The following NOC3L variants were observed in gnomAD, a reference collection of about 807,000 sequenced individuals.
NOC3L encodes the protein NOC3 like DNA replication regulator, also known as nucleolar complex protein 3 homolog.
A neutral mutation model predicts 102.5 loss-of-function variants in NOC3L; 85 were observed. The observed-to-expected ratio is 0.83, with a 90% confidence interval of 0.70 to 0.99. NOC3L has a LOEUF of 0.99. Among genes scored for constraint, NOC3L ranks in the 50% least tolerant of loss-of-function variants. NOC3L has a pLI of 0.00. For synonymous variants in NOC3L, 303 were observed against 309.4 expected (o/e 0.98, Z 0.22); for missense variants, 878 against 914.9 (o/e 0.96, Z 0.52).
chr10:94,340,980 CAAA>C (rs71485908), intron 14 of NOC3L, among the ~76,000 whole-genome samples: 5 of 67,828 alleles, frequency 7.4e-5, no homozygotes, highest in Admixed American at 1.6e-4. Flanking sequence ...GACTCCCTCT[CAAA>C]AAAAAAAAAA....
chr10:94,349,721 GA>G (rs11383344), intron 9 of NOC3L, among the ~76,000 whole-genome samples: 3 of 151,902 alleles, frequency 2.0e-5, no homozygotes, highest in Non-Finnish European at 2.9e-5. Context: ...TTTGTAGGGG[GA>G]AAAAAATCAC....
intron 8 of NOC3L, among the ~76,000 whole-genome samples, chr10:94,350,991 T>C (rs947038649): frequency 6.6e-6 from 1 of 151,798 alleles, no homozygotes; most frequent in Non-Finnish European, 1.5e-5. Context: ...TGAATATATA[T>C]AATATACTAT....
At chr10:94,334,768 T>G in intron 19 of NOC3L, 50 bp from the exon 20 acceptor site, 1 of 1,229,816 alleles carries the variant, frequency 8.1e-7, no homozygotes, top group Non-Finnish European at 1.2e-6. Context: ...TCTGTGTAAC[T>G]CAAAAATAAT....
chr10:94,348,049 T>A (rs2054366509), intron 10 of NOC3L, among the ~76,000 whole-genome samples: 1 of 151,216 alleles, frequency 6.6e-6, no homozygotes, highest in African/African-American at 2.4e-5. Context: ...ACACAATAAT[T>A]AAGCAGCATT....
chr10:94,321,560 G>A, the NOC3L span, among the ~76,000 whole-genome samples: 1 of 151,722 alleles, frequency 6.6e-6, no homozygotes. Context: ...CCCAGGAGGT[G>A]GAGGCTGCAG....
At chr10:94,328,008 G>A in the NOC3L span, 3 of 531,170 alleles carry the variant, frequency 5.6e-6, no homozygotes, top group Admixed American at 3.9e-5. Flanking sequence ...TGAACATGGT[G>A]GAAAAAATAT....
chr10:94,358,310 C>T (rs536176702), intron 2 of NOC3L, 95 bp from the exon 3 acceptor site: 11 of 735,100 alleles, frequency 1.5e-5, no homozygotes, highest in South Asian at 5.0e-5. Flanking sequence ...GAAAAGCTTA[C>T]GCTTTCTGAA....
the NOC3L span, among the ~76,000 whole-genome samples, chr10:94,327,114 A>G: frequency 6.6e-6 from 1 of 151,788 alleles, no homozygotes; most frequent in African/African-American, 2.4e-5. Flanking sequence ...GTGAGCCGAG[A>G]TTGCGCCACT....
the NOC3L span, chr10:94,328,208 A>C: frequency 6.4e-6 from 2 of 312,870 alleles, no homozygotes; most frequent in Non-Finnish European, 1.3e-5. Flanking sequence ...TCACGAATTG[A>C]CTTAGAGCAA....
At chr10:94,360,017 A>C (rs1235884066) in intron 2 of NOC3L, among the ~76,000 whole-genome samples, 2 of 152,292 alleles carry the variant, frequency 1.3e-5, no homozygotes, top group East Asian at 3.9e-4. Flanking sequence ...AAACAGATGA[A>C]TGGATAAAGA....
At chr10:94,315,590 G>C in the NOC3L span, 1 of 439,476 alleles carries the variant, frequency 2.3e-6, no homozygotes, top group East Asian at 7.0e-5. Context: ...CCAACATGGT[G>C]AAACCCTGTC....
At chr10:94,332,847 G>T (rs2054176029), downstream of NOC3L, 1 of 152,138 alleles carries the variant, frequency 6.6e-6, no homozygotes, top group African/African-American at 2.4e-5. Flanking sequence ...CTCTGATGGG[G>T]ATTAGACCCT....
chr10:94,337,797 G>C lies in NOC3L; in HGVS notation c.2169C>G (p.Leu723=), dbSNP rs144365022. The change falls in exon 19 of 21, where the codon CTC becomes CTG. Residue 723 remains leucine (L), a synonymous_variant. Coordinates refer to ENST00000371361, the MANE Select transcript of NOC3L (RefSeq NM_022451.11). ...AGAPSEGSGA[L]KPELSRRSAT... ...ATTACCTTCGACTCAACTCTGGTTT[G>C]AGTGCTCCAGAGCCTTCAGAAGGTG... 5.0e-6 allele frequency: 8 copies of C among 1,613,122 alleles called. No individual in the cohort carries two copies. The Admixed American group carries it at 1.3e-4, about 27-fold the overall frequency.
the NOC3L span, chr10:94,328,036 T>G: frequency 1.9e-6 from 1 of 519,482 alleles, no homozygotes; most frequent in Admixed American, 2.0e-5. Context: ...TTCATCAGAC[T>G]TAAACTGGAA....
At chr10:94,355,886 G>T (rs1029528714) in intron 5 of NOC3L, among the ~76,000 whole-genome samples, 1 of 151,990 alleles carries the variant, frequency 6.6e-6, no homozygotes, top group Admixed American at 6.6e-5. Flanking sequence ...GAAATTCATA[G>T]GGAACTAGAT....
Position 94,361,839 on chromosome 10 carries a change from T to TG in NOC3L, c.42dup (p.Lys15GlnfsTer6), listed in dbSNP as rs1483509057. On this transcript the variant is annotated frameshift_variant, in exon 2 of 21. Coordinates refer to ENST00000371361, the MANE Select transcript of NOC3L (RefSeq NM_022451.11). LOFTEE classifies it high-confidence loss of function. ...TTGACTTTACTAGTTTTTATTAACT[T>TG]GCGAAAGCTTGGGATCTGTTTTTTA... 3.1e-6 allele frequency: 5 copies of TG among 1,613,050 alleles called. No homozygotes were observed. Among genetic ancestry groups the TG allele is most frequent in the Non-Finnish European group, 4.2e-6 (5 of 1,179,656 alleles).
At position 94,352,930 on chromosome 10, in the gene NOC3L, A is replaced by G; in HGVS notation, c.824T>C (p.Ile275Thr). ...LFKDITPSYKIRPLTEAEKST... is the reference protein window; with the variant it reads ...LFKDITPSYKTRPLTEAEKST... The stretch of plus-strand genomic sequence containing the variant: ...TTTTTCTGCTTCTGTGAGGGGCCGG[A>G]TTTTATATGAAGGAGTAATATCTTT... Residue 275 changes from isoleucine (I) to threonine (T), a missense_variant, in exon 7 of 21, where the codon ATC becomes ACC. Ile to Thr is a moderately conservative substitution (Grantham distance 89). Coordinates refer to ENST00000371361, the MANE Select transcript of NOC3L (RefSeq NM_022451.11). 14 of 1,613,770 alleles carry G rather than the reference A, an allele frequency of 8.7e-6. No individual in the cohort carries two copies. Among genetic ancestry groups the G allele is most frequent in the Non-Finnish European group, 1.1e-5 (13 of 1,179,752 alleles).
intron 13 of NOC3L, among the ~76,000 whole-genome samples, chr10:94,342,553 T>TAC (rs3052367): frequency 0.15 from 22,802 of 148,012 alleles, 1,734 homozygotes; most frequent in East Asian, 0.23. Flanking sequence ...TGCATGAAGA[T>TAC]ACACACACAC....
the NOC3L span, chr10:94,325,088 C>A: frequency 6.2e-7 from 1 of 1,613,094 alleles, no homozygotes; most frequent in Non-Finnish European, 8.5e-7. Context: ...TGACTAAGGG[C>A]AGCATGTTTA....
Sources: gnomAD v4.1 joint callset for allele counts (sites outside exome capture counted in the v4.1 genomes callset) on GRCh38, gnomAD v4.1.1 for gene constraint, MANE v1.5 for transcripts, NCBI Gene and HGNC (gene_info 2026-07-23, HGNC 2026-07-21) for gene names.